The following TRRAP variants were observed in gnomAD, a reference collection of about 807,000 sequenced individuals.
TRRAP encodes the protein transformation/transcription domain associated protein.
Under a neutral mutation model 438.8 loss-of-function variants are expected in TRRAP, and 41 were observed. The observed-to-expected ratio is 0.09, with a 90% CI of 0.07 to 0.12. The LOEUF (loss-of-function observed/expected upper bound fraction) is 0.12, where lower values mean the gene tolerates loss of function less well. Ranked by LOEUF, TRRAP falls within the 10% of genes least tolerant of loss-of-function variation. The pLI is 1.00. For missense variants in TRRAP, 3,122 were observed against 5,055.1 expected (o/e 0.62, Z 11.60); for synonymous variants, 1,994 against 1,962.9 (o/e 1.02, Z -0.42).
At position 98,927,197 on chromosome 7, in the gene TRRAP, C is replaced by T; in HGVS notation, c.3006C>T (p.Ile1002=). The T allele has an allele frequency of 6.2e-7, 1 of 1,614,216 alleles. No homozygotes were observed. Among genetic ancestry groups the T allele is most frequent in the Non-Finnish European group, 8.5e-7 (1 of 1,180,034 alleles). ...NFTEKTIPNV[I]ISHRYKAQDT... ...CAGAAAAGACCATCCCCAATGTTAT[C>T]ATCTCACATCGCTACAAAGCCCAGG... is the stretch of plus-strand genomic sequence containing the variant. Residue 1002 remains isoleucine, a synonymous_variant, in exon 23 of 73, where the codon ATC becomes ATT. Transcript: ENST00000456197.
At chr7:98,983,947 A>G (rs1248250085) in intron 60 of TRRAP, 146 bp from the exon 61 acceptor site, 9 of 1,084,326 alleles carry the variant, frequency 8.3e-6, no homozygotes, top group Non-Finnish European at 1.1e-5. Flanking sequence ...TTATGGCATA[A>G]AATACAAAGT....
At chr7:98,907,204 T>C (rs1316705494) in intron 13 of TRRAP, among the ~76,000 whole-genome samples, 1 of 151,888 alleles carries the variant, frequency 6.6e-6, no homozygotes, top group Non-Finnish European at 1.5e-5. Context: ...GTGCCTGTAA[T>C]CCCAACTAGT....
At chr7:98,927,443 T>C in intron 23 of TRRAP, 77 bp downstream of exon 23, 1 of 1,517,958 alleles carries the variant, frequency 6.6e-7, no homozygotes, top group African/African-American at 1.4e-5. Flanking sequence ...GCTCAGGACA[T>C]TTTGTTGTTC....
rs1209975393 is a variant in TRRAP at position 98,966,015 on chromosome 7, A to C, written c.7176+120A>C. On this transcript the variant is annotated intron_variant, in intron 49 of 72. Coordinates refer to ENST00000456197, the MANE Select transcript of TRRAP (RefSeq NM_001375524.1). ...TTTTTTCTGCTGTAATTGCACTCAC[A>C]GCATCTTTTCTTAATTAAGATGGAT... 1.2e-4 allele frequency: 143 copies of C among 1,150,804 alleles called. 1 individual carries two copies. The highest frequency in any genetic ancestry group is 2.0e-5 in the Non-Finnish European group (16 of 806,988). The allele number at this position is 1,150,804 out of a possible 1,614,324, so 71.3% of individuals were successfully genotyped here.
chr7:98,965,590 GA>G, intron 48 of TRRAP, 105 bp from the exon 49 acceptor site: 1 of 1,486,186 alleles, frequency 6.7e-7, no homozygotes, highest in Admixed American at 1.8e-5. Context: ...AAAAAACATT[GA>G]GGGGGAAAAT....
At chr7:98,917,116 G>A (rs1263442656) in intron 19 of TRRAP, among the ~76,000 whole-genome samples, 2 of 152,092 alleles carry the variant, frequency 1.3e-5, no homozygotes, top group African/African-American at 4.8e-5. Flanking sequence ...CTCAACTGTG[G>A]TTTACTAAAG....
chr7:98,910,150 C>T lies in TRRAP; in HGVS notation c.1445C>T (p.Ala482Val), dbSNP rs200161132. The stretch of plus-strand genomic sequence containing the variant: ...CAGTCAGAACTTGGAGCCGTGGAAG[C>T]AGCTCTGCCTGGGGTGCCCACTGCC... ...KPQSELGAVEAALPGVPTAPA... is the reference protein window; with the variant it reads ...KPQSELGAVEVALPGVPTAPA... The change falls in exon 15 of 73, where the codon GCA becomes GTA. Residue 482 changes from alanine to valine, a missense_variant. Transcript: ENST00000456197. 4.3e-6 allele frequency: 7 copies of T among 1,612,520 alleles called. No individual in the cohort carries two copies. The South Asian group carries it at 7.7e-5, about 18-fold the overall frequency.
chr7:99,011,363 C>T lies in TRRAP; in HGVS notation c.11165C>T (p.Ala3722Val), dbSNP rs1197135680. The change falls in exon 72 of 73, where the codon GCC becomes GTC. Residue 3722 changes from alanine to valine, a missense_variant. This residue lies in a region of TRRAP where 192 missense variants were observed against 355.6 expected (regional missense o/e 0.54). Transcript: ENST00000456197. This position sits in a 1 kb window ranked among gnomAD's most constrained non-coding sequence, Gnocchi z 7.1. ...IAQDTGKLNV[A>V]YFRFDINDAT... is the part of the protein sequence containing the mutation. ...TAGGACACTGGCAAACTGAATGTTG[C>T]CTACTTTCGATTTGACATAAACGAC... The T allele has an allele frequency of 2.5e-6, 4 of 1,614,168 alleles. No individual in the cohort carries two copies. The highest frequency in any genetic ancestry group is 3.4e-6 in the Non-Finnish European group (4 of 1,180,000).
chr7:98,910,294 A>G lies in TRRAP; in HGVS notation c.1589A>G (p.Gln530Arg). 1.2e-6 allele frequency: 2 copies of G among 1,605,004 alleles called. No individual in the cohort carries two copies. Among genetic ancestry groups the G allele is most frequent in the Non-Finnish European group, 1.7e-6 (2 of 1,178,962 alleles). The change falls in exon 15 of 73, where the codon CAA (glutamine) becomes CGA (arginine). Residue 530 changes from glutamine (Q) to arginine (R), a missense_variant. Physicochemically the swap from Gln to Arg is conservative, Grantham distance 43 (BLOSUM62 1). Coordinates refer to ENST00000456197, the MANE Select transcript of TRRAP (RefSeq NM_001375524.1). ...GCCCCCGTGCCTCCCTTCGAGAAGC[A>G]AGGAGAAAAGGACAAGGAAGACAAG... The part of the protein sequence containing the change: ...TPAPVPPFEK[Q>R]GEKDKEDKQT...
At chr7:98,993,917 C>G (rs1280218132) in intron 66 of TRRAP, among the ~76,000 whole-genome samples, 180 bp downstream of exon 66, 1 of 152,160 alleles carries the variant, frequency 6.6e-6, no homozygotes, top group East Asian at 1.9e-4. Flanking sequence ...CTTAAAGATT[C>G]AAAGTACAAG....
intron 70 of TRRAP, among the ~76,000 whole-genome samples, chr7:99,009,730 C>T (rs1008920010): frequency 2.6e-5 from 4 of 152,156 alleles, no homozygotes; most frequent in Non-Finnish European, 5.9e-5. Flanking sequence ...TTCTAAACAG[C>T]GTGAGTGACC....
chr7:98,969,988 T>G, intron 51 of TRRAP, 124 bp from the exon 52 acceptor site: 9 of 1,163,788 alleles, frequency 7.7e-6, no homozygotes, highest in African/African-American at 1.5e-5. Flanking sequence ...GAAAGGGTGC[T>G]GAGCTCATAC....
intron 21 of TRRAP, among the ~76,000 whole-genome samples, chr7:98,922,330 G>T (rs1391655363): frequency 6.6e-6 from 1 of 152,166 alleles, no homozygotes; most frequent in African/African-American, 2.4e-5. Context: ...AACGCAGCTC[G>T]CACTGTCTCA....
chr7:98,968,336 A>G lies in TRRAP; in HGVS notation c.7512+638A>G, dbSNP rs556718036. On this transcript the variant is annotated intron_variant, in intron 51 of 72. Coordinates refer to ENST00000456197, the MANE Select transcript of TRRAP (RefSeq NM_001375524.1). Reference sequence around the variant, plus strand: ...GCCTGGCCCCCATCATTCCTTAAGCAGAAAGATGGAGCAGCCGGGCCAGGG... The same window carrying G: ...GCCTGGCCCCCATCATTCCTTAAGCGGAAAGATGGAGCAGCCGGGCCAGGG... 3.1e-4 allele frequency among the ~76,000 whole-genome samples: 47 copies of G among 152,288 alleles called. No individual in the cohort carries two copies. In the South Asian group the frequency reaches 9.3e-3, roughly 30 times the overall value.
chr7:98,898,529 A>C (rs535980492), intron 8 of TRRAP, among the ~76,000 whole-genome samples: 1 of 152,242 alleles, frequency 6.6e-6, no homozygotes, highest in Non-Finnish European at 1.5e-5. Context: ...GATGAACAAG[A>C]AACTTTGAGT....
In TRRAP at chr7:98,971,782, G is replaced by C. The variant is rs1562966033; in HGVS notation, c.7693-17G>C. 6.2e-7 allele frequency: 1 copy of C among 1,609,736 alleles called. No homozygotes were observed. The highest frequency in any genetic ancestry group is 2.2e-5 in the East Asian group (1 of 44,814). ...AGCCTTTGACCTTTTGGTTTTGCTT[G>C]CTGCTTTGTTTCTTAGGATGTAGAG... On this transcript the variant is annotated splice_polypyrimidine_tract_variant and intron_variant, in intron 52 of 72. Coordinates refer to ENST00000456197, the MANE Select transcript of TRRAP (RefSeq NM_001375524.1).
intron 69 of TRRAP, among the ~76,000 whole-genome samples, chr7:99,006,815 A>T (rs992785832): frequency 6.6e-6 from 1 of 152,208 alleles, no homozygotes; most frequent in Non-Finnish European, 1.5e-5. Flanking sequence ...TAGTATCTTC[A>T]CAAAGTATTA....
At position 98,955,384 on chromosome 7, in the gene TRRAP, A is replaced by G. The variant is rs1791552434; in HGVS notation, c.5937+80A>G. 2.8e-6 allele frequency: 4 copies of G among 1,411,628 alleles called. No individual in the cohort carries two copies. In the African/African-American group the frequency reaches 4.3e-5, roughly 15 times the overall value. The allele number at this position is 1,411,628 out of a possible 1,614,324, so 87.4% of individuals were successfully genotyped here. A position where few individuals can be genotyped will look rare whatever the true frequency, so the allele number is the denominator to read the frequency against. On this transcript the variant is annotated intron_variant, in intron 41 of 72. Coordinates refer to ENST00000456197, the MANE Select transcript of TRRAP (RefSeq NM_001375524.1). Reference sequence around the variant, plus strand: ...AACCTTTACCTTGTCTTGTTCTGCAATAATCAGGTGGTCGTTCATCTTTTA... The same window carrying G: ...AACCTTTACCTTGTCTTGTTCTGCAGTAATCAGGTGGTCGTTCATCTTTTA...
At position 98,958,063 on chromosome 7, in the gene TRRAP, T is replaced by G; in HGVS notation, c.6314T>G (p.Val2105Gly). ...PIDKQHTDTV[V>G]NFLIRVACQV... ...GACAAGCAGCACACAGACACTGTGGTGAACTTCCTTATCCGCGTGGCCTGT... is the reference window on the plus strand; with the variant it reads ...GACAAGCAGCACACAGACACTGTGGGGAACTTCCTTATCCGCGTGGCCTGT... The change falls in exon 44 of 73, where the codon GTG becomes GGG. Residue 2105 changes from valine to glycine, a missense_variant. Val to Gly is a moderately radical substitution (Grantham distance 109). Around this residue, in one of 24 missense-constraint regions of TRRAP, gnomAD observed 992 missense variants for 1,281.2 expected, o/e 0.77. Transcript: ENST00000456197. 1 of 1,614,162 alleles carries G rather than the reference T, an allele frequency of 6.2e-7. No homozygotes were observed. Among genetic ancestry groups the G allele is most frequent in the African/African-American group, 1.3e-5 (1 of 75,030 alleles).
Sources: gnomAD v4.1 joint callset for allele counts (sites outside exome capture counted in the v4.1 genomes callset) on GRCh38, gnomAD v4.1.1 for gene constraint, gnomAD v4.1.1 regional missense constraint, Gnocchi (gnomAD v3.1) non-coding constraint, MANE v1.5 for transcripts, NCBI Gene and HGNC (gene_info 2026-07-23, HGNC 2026-07-21) for gene names.